Variants in DOCK10 observed in about 807,000 individuals in gnomAD.
DOCK10 encodes the protein dedicator of cytokinesis protein 10.
A neutral mutation model predicts 280.1 loss-of-function variants in DOCK10; 145 were observed. The ratio of observed to expected loss-of-function variants is 0.52; its 90% CI spans 0.45 to 0.59. DOCK10 has a LOEUF of 0.59. Ranked by LOEUF, DOCK10 falls within the 20% of genes least tolerant of loss-of-function variation. The pLI is 0.00. For synonymous variants in DOCK10, 915 were observed against 942.2 expected (o/e 0.97, Z 0.53); for missense variants, 2,368 against 2,651.7 (o/e 0.89, Z 2.35).
intron 25 of DOCK10, among the ~76,000 whole-genome samples, chr2:224,834,728 A>AGACAC (rs1695483934): frequency 6.6e-6 from 1 of 152,204 alleles, no homozygotes; most frequent in Admixed American, 6.5e-5. Flanking sequence ...TCCCATGCTT[A>AGACAC]GACACACTAT....
At chr2:224,837,681 T>C in intron 25 of DOCK10, 81 bp downstream of exon 25, 1 of 1,241,720 alleles carries the variant, frequency 8.1e-7, no homozygotes, top group South Asian at 1.2e-5. Context: ...GGGAGAAAAC[T>C]TCCCACTTAC....
chr2:224,804,902 C>A lies in DOCK10; in HGVS notation c.4119-61G>T, dbSNP rs114764141. 3 of 1,314,274 alleles carry A rather than the reference C, an allele frequency of 2.3e-6. No individual in the cohort carries two copies. The African/African-American group carries it at 4.5e-5, about 20-fold the overall frequency. 81.4% of individuals were successfully genotyped at this position (1,314,274 alleles called of 1,614,324 possible). On this transcript the variant is annotated intron_variant, in intron 37 of 55. Coordinates refer to ENST00000258390, the MANE Select transcript of DOCK10 (RefSeq NM_014689.3). ...ATATTCTTTTATTATACAAACTGTT[C>A]ATCTAAGTATATTGAAAGAAAAATA...
At chr2:224,876,242 A>C in intron 7 of DOCK10, 21 bp from the exon 8 acceptor site, 1 of 1,566,404 alleles carries the variant, frequency 6.4e-7, no homozygotes, top group Non-Finnish European at 8.7e-7. Context: ...AAAAGAAAGA[A>C]AGAAAAAGAG....
intron 1 of DOCK10, among the ~76,000 whole-genome samples, chr2:225,023,823 C>A (rs1379848836): frequency 6.6e-6 from 1 of 152,166 alleles, no homozygotes; most frequent in Non-Finnish European, 1.5e-5. Context: ...AAAGTATCAT[C>A]ACTAGATGCT....
At chr2:225,005,074 G>A (rs1473839784) in intron 1 of DOCK10, among the ~76,000 whole-genome samples, 1 of 152,156 alleles carries the variant, frequency 6.6e-6, no homozygotes, top group Non-Finnish European at 1.5e-5. Context: ...GAGGCAATTT[G>A]AAAGTTAACT....
At chr2:224,990,204 G>A (rs1000981837) in intron 1 of DOCK10, among the ~76,000 whole-genome samples, 1 of 152,060 alleles carries the variant, frequency 6.6e-6, no homozygotes, top group Non-Finnish European at 1.5e-5. Flanking sequence ...CAGAGTGCAC[G>A]GATAATTTAA....
At chr2:224,925,506 CT>C (rs1427874360) in intron 2 of DOCK10, among the ~76,000 whole-genome samples, 1 of 152,168 alleles carries the variant, frequency 6.6e-6, no homozygotes, top group Non-Finnish European at 1.5e-5. Flanking sequence ...GTGACATAGA[CT>C]TTTGACTTTG....
chr2:224,925,275 T>G (rs1489603135), intron 2 of DOCK10, among the ~76,000 whole-genome samples: 4 of 152,182 alleles, frequency 2.6e-5, no homozygotes, highest in Admixed American at 6.5e-5. Flanking sequence ...ATGACCCTTG[T>G]GGTTGAGTCT....
At position 224,876,211 on chromosome 2, in the gene DOCK10, A is replaced by T; in HGVS notation, c.758T>A (p.Leu253Gln). The T allele has an allele frequency of 6.2e-7, 1 of 1,608,854 alleles. No individual in the cohort carries two copies. The highest frequency in any genetic ancestry group is 1.7e-4 in the Middle Eastern group (1 of 6,054). The change falls in exon 8 of 56, where the codon CTA (leucine) becomes CAA (glutamine). Residue 253 changes from leucine to glutamine, a missense_variant. Physicochemically the swap from Leu to Gln is moderately radical, Grantham distance 113. Coordinates refer to ENST00000258390, the MANE Select transcript of DOCK10 (RefSeq NM_014689.3). ...SCTGVVQNNRLRKYAFELKMN... is the reference protein window; with the variant it reads ...SCTGVVQNNRQRKYAFELKMN... ...TTTCAATTCAAAGGCATATTTTCTTAGTCTGTTATTCTGTGGTATAAAAAG... is the reference window on the plus strand; with the variant it reads ...TTTCAATTCAAAGGCATATTTTCTTTGTCTGTTATTCTGTGGTATAAAAAG...
At chr2:224,898,833 C>T (rs1434507788) in intron 3 of DOCK10, among the ~76,000 whole-genome samples, 1 of 152,200 alleles carries the variant, frequency 6.6e-6, no homozygotes. Context: ...CCTTGGCCTC[C>T]AAAAGTGCTG....
chr2:224,842,385 C>G (rs1268229959), intron 22 of DOCK10, among the ~76,000 whole-genome samples: 1 of 152,190 alleles, frequency 6.6e-6, no homozygotes, highest in African/African-American at 2.4e-5. Flanking sequence ...ATAGAACTGA[C>G]TATAACACTT....
At chr2:224,967,268 G>A (rs948346178) in intron 1 of DOCK10, among the ~76,000 whole-genome samples, 7 of 151,980 alleles carry the variant, frequency 4.6e-5, no homozygotes, top group Non-Finnish European at 5.9e-5. Context: ...TTTCAGTAGA[G>A]ACGGGGTTTC....
chr2:224,772,300 T>C (rs9973626), intron 53 of DOCK10, among the ~76,000 whole-genome samples: 2,519 of 152,288 alleles, frequency 0.017, 62 homozygotes, highest in African/African-American at 0.053. Context: ...TAATACTTTA[T>C]TCCTTACAAA....
At chr2:224,906,768 C>T (rs574251285) in intron 3 of DOCK10, among the ~76,000 whole-genome samples, 5 of 152,338 alleles carry the variant, frequency 3.3e-5, no homozygotes, top group South Asian at 2.1e-4. Flanking sequence ...CGTCAGTCAC[C>T]GCACCCGGCC....
chr2:224,812,353 T>C (rs562414860), intron 31 of DOCK10, among the ~76,000 whole-genome samples: 432 of 152,314 alleles, frequency 2.8e-3, no homozygotes, highest in African/African-American at 0.01. Flanking sequence ...TGAGACTTTG[T>C]TGAAGTTGCT....
At chr2:224,918,509 T>C (rs1701466547) in intron 2 of DOCK10, among the ~76,000 whole-genome samples, 1 of 140,586 alleles carries the variant, frequency 7.1e-6, no homozygotes, top group Non-Finnish European at 1.6e-5. Context: ...GTGGTGTGCG[T>C]GTATGTGTAG....
At chr2:225,033,002 C>A (rs1360304745) in intron 1 of DOCK10, among the ~76,000 whole-genome samples, 1 of 152,028 alleles carries the variant, frequency 6.6e-6, no homozygotes, top group East Asian at 1.9e-4. Flanking sequence ...TTCAAATAGA[C>A]CCCTTTTCAG....
At chr2:224,978,499 T>G (rs1372565859) in intron 1 of DOCK10, among the ~76,000 whole-genome samples, 1 of 152,156 alleles carries the variant, frequency 6.6e-6, no homozygotes, top group Non-Finnish European at 1.5e-5. Context: ...GAACATTAAT[T>G]AGGAAGCGAT....
intron 47 of DOCK10, among the ~76,000 whole-genome samples, chr2:224,789,446 C>T (rs1415078045): frequency 6.6e-6 from 1 of 152,202 alleles, no homozygotes; most frequent in African/African-American, 2.4e-5. Context: ...TGTTGCGGTT[C>T]CAATCTTCTG....
Sources: gnomAD v4.1 joint callset for allele counts (sites outside exome capture counted in the v4.1 genomes callset) on GRCh38, gnomAD v4.1.1 for gene constraint, MANE v1.5 for transcripts, NCBI Gene and HGNC (gene_info 2026-07-23, HGNC 2026-07-21) for gene names.